Variants in CREM observed in about 807,000 individuals in gnomAD.
The protein encoded by CREM is cAMP responsive element modulator.
Under a neutral mutation model 37.3 loss-of-function variants are expected in CREM, and 13 were observed. That is an observed-to-expected ratio of 0.35 (90% CI 0.23 to 0.55). CREM has a LOEUF of 0.55. CREM is among the 20% of genes least tolerant of loss of function. The pLI is 0.88. For missense variants in CREM, 296 were observed against 362.3 expected (o/e 0.82, Z 1.49); for synonymous variants, 124 against 120.2 (o/e 1.03, Z -0.21).
At chr10:35,178,836 G>T (rs764613741) in intron 3 of CREM, 53 bp from the exon 4 acceptor site, 1 of 1,447,980 alleles carries the variant, frequency 6.9e-7, no homozygotes, top group South Asian at 1.3e-5. Flanking sequence ...TTTTTTGAAT[G>T]AGGGAAAAGA....
chr10:35,157,209 ACT>A (rs896168999), intron 3 of CREM, among the ~76,000 whole-genome samples: 2 of 152,266 alleles, frequency 1.3e-5, no homozygotes, highest in East Asian at 3.9e-4. Flanking sequence ...TATTATAAAA[ACT>A]CTCAACAAAT....
At chr10:35,182,770 C>G (rs2094405630) in intron 5 of CREM, among the ~76,000 whole-genome samples, 1 of 152,098 alleles carries the variant, frequency 6.6e-6, no homozygotes, top group Non-Finnish European at 1.5e-5. Flanking sequence ...TATTACAACA[C>G]CAAGTAAGTG....
intron 2 of CREM, among the ~76,000 whole-genome samples, chr10:35,145,160 CAAAAAAAA>C (rs34802396): frequency 1.5e-5 from 1 of 67,852 alleles, no homozygotes; most frequent in Non-Finnish European, 3.0e-5. Flanking sequence ...GACACTGTCT[CAAAAAAAA>C]AAAAAAAAAA....
At chr10:35,137,264 C>T (rs913581333) in intron 1 of CREM, among the ~76,000 whole-genome samples, 1 of 152,050 alleles carries the variant, frequency 6.6e-6, no homozygotes, top group Non-Finnish European at 1.5e-5. Context: ...ATCAGAAGGA[C>T]GTTTTGAATA....
chr10:35,179,493 A>G (rs1425242236), intron 5 of CREM: 9 of 475,766 alleles, frequency 1.9e-5, no homozygotes, highest in Admixed American at 4.1e-5. Context: ...ACTGCCGAAT[A>G]TAGAAGAAAA....
At chr10:35,128,715 C>G (rs2088625070) in intron 1 of CREM, among the ~76,000 whole-genome samples, 1 of 151,916 alleles carries the variant, frequency 6.6e-6, no homozygotes, top group Non-Finnish European at 1.5e-5. Flanking sequence ...TTAGTAGAAA[C>G]GGGGTTTCAC....
intron 1 of CREM, among the ~76,000 whole-genome samples, chr10:35,129,470 A>G (rs1454515348): frequency 5.9e-5 from 9 of 152,218 alleles, no homozygotes; most frequent in Non-Finnish European, 1.2e-4. Context: ...ATTAACATAT[A>G]TAAGGAATCC....
chr10:35,145,775 T>TAAAAA (rs2092020131), intron 2 of CREM, among the ~76,000 whole-genome samples: 1 of 12,220 alleles, frequency 8.2e-5, no homozygotes, highest in Non-Finnish European at 2.4e-4. Flanking sequence ...AGACTCTGCC[T>TAAAAA]CAAAAAAAAA....
chr10:35,151,221 T>C (rs528934204), intron 3 of CREM, among the ~76,000 whole-genome samples: 1 of 152,268 alleles, frequency 6.6e-6, no homozygotes, highest in African/African-American at 2.4e-5. Flanking sequence ...ACGTTTGTAA[T>C]GCTTCTTTAA....
At position 35,211,899 on chromosome 10, in the gene CREM, C is replaced by A; in HGVS notation, c.*501C>A. ...GAATGGTGGCTTCTTTTCTTTGTAT[C>A]ATTCATCTTCTTCTTTAATCACTTA... On this transcript the variant is annotated 3_prime_UTR_variant, in exon 8 of 8. Coordinates refer to ENST00000685392, the MANE Select transcript of CREM (RefSeq NM_183011.2). The A allele has an allele frequency of 8.5e-7, 1 of 1,178,254 alleles. No homozygotes were observed. The allele number at this position is 1,178,254 out of a possible 1,614,324, so 73.0% of individuals were successfully genotyped here.
intron 6 of CREM, among the ~76,000 whole-genome samples, chr10:35,206,333 A>C (rs932964700): frequency 9.9e-5 from 15 of 152,042 alleles, no homozygotes; most frequent in Non-Finnish European, 4.4e-5. Context: ...TACACAATTT[A>C]CACATTAAAA....
intron 6 of CREM, chr10:35,196,048 A>C (rs758431568): frequency 6.2e-7 from 1 of 1,614,094 alleles, no homozygotes. Flanking sequence ...GAAACACGTC[A>C]TGAAACTGTA....
rs1328248059 is a variant in CREM, at chr10:35,155,632, T to A, written c.168+7141T>A. ...GATTCTTTTCTTTTCTTTTCTTTTCTTTTTTTTTTTGTAGAGATGGGAGTC... is the reference window on the plus strand; with the variant it reads ...GATTCTTTTCTTTTCTTTTCTTTTCATTTTTTTTTTGTAGAGATGGGAGTC... On this transcript the variant is annotated intron_variant, in intron 3 of 7. Transcript: ENST00000685392. Among the ~76,000 whole-genome samples, 124 of 16,964 alleles carry A rather than the reference T, an allele frequency of 7.3e-3. 2 individuals are homozygous for A. The Admixed American group carries it at 0.13, about 18-fold the overall frequency. The allele number at this position is 16,964 out of a possible 152,430, so 11.1% of individuals were successfully genotyped here. A position where few individuals can be genotyped will look rare whatever the true frequency, so the allele number is the denominator to read the frequency against.
rs144266179 is a variant in CREM, at chr10:35,153,535, G to A, written c.168+5044G>A. On this transcript the variant is annotated intron_variant, in intron 3 of 7. Coordinates refer to ENST00000685392, the MANE Select transcript of CREM (RefSeq NM_183011.2). ...AGAGTGGACACCTTGAACTTTTCTT[G>A]TTCCTAGACTCTTGGGAATTGGTAA... Among the ~76,000 whole-genome samples the A allele has an allele frequency of 1.1e-3, 175 of 152,200 alleles. 1 individual carries two copies. In the East Asian group the frequency reaches 0.018, roughly 16 times the overall value.
chr10:35,195,434 G>T (rs931302188), intron 6 of CREM, among the ~76,000 whole-genome samples: 2 of 151,764 alleles, frequency 1.3e-5, no homozygotes, highest in Non-Finnish European at 2.9e-5. Flanking sequence ...CTTGACTGAG[G>T]CACTAATCCT....
At chr10:35,127,895 G>T (rs1003132136) in intron 1 of CREM, among the ~76,000 whole-genome samples, 2 of 152,148 alleles carry the variant, frequency 1.3e-5, no homozygotes, top group African/African-American at 4.8e-5. Flanking sequence ...ACCCAGGCTG[G>T]AATGCAGGGG....
At chr10:35,195,366 C>T in intron 6 of CREM, 1 of 754,200 alleles carries the variant, frequency 1.3e-6, no homozygotes, top group South Asian at 1.8e-5. Context: ...ATATATTCAG[C>T]TCACTTTGTT....
intron 3 of CREM, among the ~76,000 whole-genome samples, chr10:35,164,296 T>G (rs761595863): frequency 6.6e-6 from 1 of 152,238 alleles, no homozygotes; most frequent in Non-Finnish European, 1.5e-5. Flanking sequence ...TTCCTTGATC[T>G]TAAAATGGTA....
At chr10:35,182,862 GTC>G (rs1388023284) in intron 5 of CREM, among the ~76,000 whole-genome samples, 1 of 152,216 alleles carries the variant, frequency 6.6e-6, no homozygotes, top group Non-Finnish European at 1.5e-5. Context: ...GTCGAAGAAA[GTC>G]TTTTATTTCA....
Sources: gnomAD v4.1 joint callset for allele counts (sites outside exome capture counted in the v4.1 genomes callset) on GRCh38, gnomAD v4.1.1 for gene constraint, MANE v1.5 for transcripts, NCBI Gene and HGNC (gene_info 2026-07-23, HGNC 2026-07-21) for gene names.